The following METTL15 variants were observed in gnomAD, a reference collection of about 807,000 sequenced individuals.
The protein encoded by METTL15 is methyltransferase 15, mitochondrial 12S rRNA N4-cytidine, also known as 12S rRNA N(4)-cytidine methyltransferase METTL15.
A neutral mutation model predicts 38.3 loss-of-function variants in METTL15; 34 were observed. The observed-to-expected ratio is 0.89, with a 90% CI of 0.68 to 1.18. The LOEUF is 1.18. Ranked by LOEUF, METTL15 falls within the 50% of genes most tolerant of loss-of-function variation. The probability of loss-of-function intolerance (pLI) is 0.00; values close to 1 mark genes in which losing one functional copy is unlikely to be tolerated. For synonymous variants in METTL15, 162 were observed against 170.9 expected, an observed-to-expected ratio of 0.95 and a Z score of 0.41; for missense variants, 438 against 498.4, an observed-to-expected ratio of 0.88 and a Z score of 1.15.
intron 3 of METTL15, among the ~76,000 whole-genome samples, chr11:28,117,100 T>G (rs988398540): frequency 1.3e-5 from 2 of 152,092 alleles, no homozygotes; most frequent in African/African-American, 2.4e-5. Flanking sequence ...CTCTTCGTGC[T>G]TTAAAAAGAT....
chr11:28,220,497 A>G (rs372510460), intron 4 of METTL15, among the ~76,000 whole-genome samples: 18 of 152,192 alleles, frequency 1.2e-4, no homozygotes, highest in South Asian at 1.0e-3. Context: ...CACACTGATG[A>G]GTCTTGACTC....
chr11:28,460,729 C>T (rs1489893216), intron 6 of METTL15, among the ~76,000 whole-genome samples: 2 of 151,890 alleles, frequency 1.3e-5, no homozygotes, highest in African/African-American at 4.8e-5. Flanking sequence ...ACTGTGGGGG[C>T]TCAGAAGAGT....
intron 6 of METTL15, among the ~76,000 whole-genome samples, chr11:28,498,782 A>G (rs899211289): frequency 2.6e-5 from 4 of 152,250 alleles, no homozygotes; most frequent in African/African-American, 9.6e-5. Flanking sequence ...TAAGGTCCCT[A>G]CAAGAAAAGG....
At chr11:28,418,634 A>C (rs896490700) in intron 5 of METTL15, among the ~76,000 whole-genome samples, 19 of 152,156 alleles carry the variant, frequency 1.2e-4, no homozygotes, top group Non-Finnish European at 2.5e-4. Context: ...GAGCAATCAC[A>C]GTACCTGGTT....
intron 4 of METTL15, among the ~76,000 whole-genome samples, chr11:28,277,719 A>G (rs1442897855): frequency 1.3e-5 from 2 of 151,850 alleles, no homozygotes; most frequent in African/African-American, 4.8e-5. Flanking sequence ...AAACAGCAAC[A>G]AAAAAAATGG....
chr11:28,228,433 A>G (rs1393166046), intron 4 of METTL15, among the ~76,000 whole-genome samples: 1 of 151,990 alleles, frequency 6.6e-6, no homozygotes, highest in Admixed American at 6.6e-5. Flanking sequence ...TGATAGGATT[A>G]GGCTTAGAAC....
intron 6 of METTL15, among the ~76,000 whole-genome samples, chr11:28,473,404 G>A (rs566436390): frequency 2.9e-4 from 44 of 152,240 alleles, no homozygotes; most frequent in South Asian, 1.7e-3. Flanking sequence ...ATGTTTCTAG[G>A]ATGAGCAAGT....
At chr11:28,357,590 C>T (rs531720899) in intron 4 of METTL15, among the ~76,000 whole-genome samples, 2 of 152,174 alleles carry the variant, frequency 1.3e-5, no homozygotes, top group African/African-American at 2.4e-5. Context: ...GATAATCCTA[C>T]TTTATAAGCG....
intron 6 of METTL15, among the ~76,000 whole-genome samples, chr11:28,428,798 C>G (rs1850886638): frequency 6.6e-6 from 1 of 152,104 alleles, no homozygotes; most frequent in African/African-American, 2.4e-5. Flanking sequence ...CTGTCTTGTT[C>G]TCTCCTATCT....
chr11:28,425,878 A>G (rs1316173512), intron 6 of METTL15, among the ~76,000 whole-genome samples: 1 of 152,180 alleles, frequency 6.6e-6, no homozygotes, highest in African/African-American at 2.4e-5. Flanking sequence ...GGTTTTGTTG[A>G]CAAACTATTT....
intron 6 of METTL15, among the ~76,000 whole-genome samples, chr11:28,316,942 G>T (rs1377909796): frequency 6.6e-6 from 1 of 152,140 alleles, no homozygotes; most frequent in Non-Finnish European, 1.5e-5. Flanking sequence ...TGTAAATTGT[G>T]CAGACTCGGG....
intron 2 of METTL15, among the ~76,000 whole-genome samples, chr11:28,112,048 G>A (rs1045941434): frequency 2.0e-5 from 3 of 151,912 alleles, no homozygotes; most frequent in Non-Finnish European, 1.5e-5. Flanking sequence ...TATCCTCAAG[G>A]TAACATCTTG....
At chr11:28,310,923 G>C (rs184674884) in intron 6 of METTL15, among the ~76,000 whole-genome samples, 15,316 of 91,040 alleles carry the variant, frequency 0.17, 1,415 homozygotes, top group Middle Eastern at 0.22. Flanking sequence ...GCTGGTGGTG[G>C]TGGTGGTGGT....
intron 3 of METTL15, chr11:28,134,537 C>G (rs959716179): frequency 2.5e-6 from 1 of 398,400 alleles, no homozygotes; most frequent in Non-Finnish European, 4.4e-6. Context: ...CTTTCATTCC[C>G]TCCTTCAGCA....
At chr11:28,241,572 CA>C (rs1854299590) in intron 4 of METTL15, among the ~76,000 whole-genome samples, 1 of 150,490 alleles carries the variant, frequency 6.6e-6, no homozygotes. Context: ...CAGAGAAAAG[CA>C]AAGGGGATTG....
At chr11:28,436,252 C>A (rs1462886438) in intron 6 of METTL15, among the ~76,000 whole-genome samples, 6 of 152,230 alleles carry the variant, frequency 3.9e-5, no homozygotes, top group Non-Finnish European at 8.8e-5. Context: ...GCCAACTTTT[C>A]TGACCCAAAG....
intron 6 of METTL15, among the ~76,000 whole-genome samples, chr11:28,480,958 G>A (rs1590389709): frequency 1.3e-5 from 2 of 152,256 alleles, no homozygotes; most frequent in South Asian, 4.2e-4. Flanking sequence ...TAGCATATGG[G>A]GAGAGCAAGG....
At chr11:28,441,567 T>C (rs1331755111) in intron 6 of METTL15, among the ~76,000 whole-genome samples, 1 of 152,184 alleles carries the variant, frequency 6.6e-6, no homozygotes, top group Non-Finnish European at 1.5e-5. Flanking sequence ...ACCACTGTAT[T>C]CTATTTCTGA....
At position 28,377,421 on chromosome 11, in the gene METTL15, G is replaced by A. The variant is rs556654952; in HGVS notation, c.*358+15385G>A. ...CATTTCATTCATTTCATCTTCCATT[G>A]CTGATACCCTTTCTTCCAGTTGATC... is the stretch of plus-strand genomic sequence containing the variant. On this transcript the variant is annotated intron_variant and NMD_transcript_variant, in intron 5 of 7. Coordinates refer to the METTL15 transcript ENST00000532947. Among the ~76,000 whole-genome samples the A allele has an allele frequency of 2.9e-3, 443 of 151,956 alleles. 3 individuals are homozygous for A. The highest frequency in any genetic ancestry group is 0.01 in the African/African-American group (421 of 41,448).
Sources: allele counts gnomAD v4.1 joint callset (sites outside exome capture counted in the v4.1 genomes callset), GRCh38; gene constraint gnomAD v4.1.1; transcripts MANE v1.5; gene names NCBI Gene and HGNC (gene_info 2026-07-23, HGNC 2026-07-21).